Variants in SLC27A6 observed in about 807,000 individuals in gnomAD.
The protein encoded by SLC27A6 is solute carrier family 27 member 6.
A neutral mutation model predicts 63.9 loss-of-function variants in SLC27A6; 74 were observed. That is an observed-to-expected ratio of 1.16 (90% CI 0.96 to 1.40). The LOEUF (loss-of-function observed/expected upper bound fraction) is 1.40. Among genes scored for constraint, SLC27A6 ranks in the 40% most tolerant of loss-of-function variants. The probability of loss-of-function intolerance (pLI) is 0.00; values close to 1 mark genes in which losing one functional copy is unlikely to be tolerated. For synonymous variants in SLC27A6, 287 were observed against 260.8 expected (o/e 1.10, Z -0.97); for missense variants, 794 against 732.9 (o/e 1.08, Z -0.96).
intron 9 of SLC27A6, 109 bp downstream of exon 9, chr5:129,029,816 G>A: frequency 2.1e-6 from 2 of 962,914 alleles, no homozygotes; most frequent in Non-Finnish European, 3.1e-6. Flanking sequence ...TTATGTGAGA[G>A]GCGTGGCGTG....
At chr5:128,993,936 T>C (rs1181986) in intron 4 of SLC27A6, among the ~76,000 whole-genome samples, 132,261 of 152,058 alleles carry the variant, frequency 0.87, 58,601 homozygotes, top group Non-Finnish European at 0.95. Context: ...GGGGAAACCA[T>C]CTCTACTAAA....
intron 5 of SLC27A6, among the ~76,000 whole-genome samples, chr5:129,017,209 A>G (rs923769150): frequency 6.6e-6 from 1 of 152,172 alleles, no homozygotes; most frequent in Non-Finnish European, 1.5e-5. Context: ...AATTCCAACA[A>G]ATTTCAAAGG....
chr5:129,028,496 T>C, intron 8 of SLC27A6, 54 bp downstream of exon 8: 1 of 1,066,668 alleles, frequency 9.4e-7, no homozygotes, highest in Non-Finnish European at 1.4e-6. Context: ...TTGCCACTAT[T>C]CTCTAGTTTT....
rs1751418077 is a variant in SLC27A6, at chr5:129,003,554, T to C, written c.970-12331T>C. Among the ~76,000 whole-genome samples, 4 of 152,164 alleles carry C rather than the reference T, an allele frequency of 2.6e-5. No individual in the cohort carries two copies. In the South Asian group the frequency reaches 8.3e-4, roughly 32 times the overall value. On this transcript the variant is annotated intron_variant, in intron 4 of 9. Transcript: ENST00000262462. ...GAGTCAGCTATGAAAGCCTTAGCAGTAGGCCAGTGCAGTAGCTCATGCCGA... is the reference window on the plus strand; with the variant it reads ...GAGTCAGCTATGAAAGCCTTAGCAGCAGGCCAGTGCAGTAGCTCATGCCGA...
chr5:128,983,437 C>A (rs528594406), intron 1 of SLC27A6, among the ~76,000 whole-genome samples: 22 of 151,782 alleles, frequency 1.4e-4, no homozygotes, highest in Non-Finnish European at 2.5e-4. Flanking sequence ...GGATTACAGG[C>A]ACCCATCACC....
chr5:129,011,365 C>T (rs749917717), intron 4 of SLC27A6, among the ~76,000 whole-genome samples: 1 of 152,126 alleles, frequency 6.6e-6, no homozygotes, highest in Non-Finnish European at 1.5e-5. Flanking sequence ...TTTGTTGCTA[C>T]TTCATGGTGT....
intron 4 of SLC27A6, among the ~76,000 whole-genome samples, chr5:129,007,123 A>G (rs1414835734): frequency 6.6e-6 from 1 of 152,162 alleles, no homozygotes. Flanking sequence ...TGAAATATTA[A>G]TAAGAGCAGA....
intron 3 of SLC27A6, 68 bp downstream of exon 3, chr5:128,988,826 A>G: frequency 7.9e-7 from 1 of 1,265,626 alleles, no homozygotes; most frequent in Non-Finnish European, 1.1e-6. Flanking sequence ...ATTTATTAAC[A>G]TTTGAAGCTG....
chr5:128,966,063 T>G lies in SLC27A6; in HGVS notation c.-75T>G. The G allele has an allele frequency of 6.7e-7, 1 of 1,499,342 alleles. No individual in the cohort carries two copies. Among genetic ancestry groups the G allele is most frequent in the Non-Finnish European group, 8.9e-7 (1 of 1,125,154 alleles). The allele number at this position is 1,499,342 out of a possible 1,614,324, so 92.9% of individuals were successfully genotyped here. A position where few individuals can be genotyped will look rare whatever the true frequency, so the allele number is the denominator to read the frequency against. On this transcript the variant is annotated 5_prime_UTR_variant, in exon 1 of 10. Coordinates refer to ENST00000262462, the MANE Select transcript of SLC27A6 (RefSeq NM_001017372.3). ...GAGTAGTGAGGATCTGCGGTCTCCG[T>G]GGAGAGCTGTGCCTGGAAGAGAAGG...
chr5:128,976,227 G>T (rs1373501192), intron 1 of SLC27A6, among the ~76,000 whole-genome samples: 1 of 152,050 alleles, frequency 6.6e-6, no homozygotes, highest in Non-Finnish European at 1.5e-5. Context: ...AACTTAAAGG[G>T]GGCCAGCGCG....
intron 1 of SLC27A6, among the ~76,000 whole-genome samples, chr5:128,977,840 A>G (rs955088674): frequency 2.6e-5 from 4 of 152,208 alleles, no homozygotes; most frequent in Admixed American, 2.0e-4. Flanking sequence ...GCCAAAGGAT[A>G]TAGAGATAAT....
intron 4 of SLC27A6, among the ~76,000 whole-genome samples, chr5:129,015,216 C>T (rs572659051): frequency 1.1e-4 from 16 of 152,138 alleles, no homozygotes; most frequent in African/African-American, 3.6e-4. Flanking sequence ...ACATTACTTA[C>T]TAGATATAGA....
chr5:128,995,019 GTTC>G (rs1751109105), intron 4 of SLC27A6, among the ~76,000 whole-genome samples: 1 of 152,318 alleles, frequency 6.6e-6, no homozygotes, highest in African/African-American at 2.4e-5. Context: ...AGATGAAGTT[GTTC>G]TTCTCTTCCC....
chr5:129,013,590 T>A (rs1375752188), intron 4 of SLC27A6, among the ~76,000 whole-genome samples: 1 of 152,068 alleles, frequency 6.6e-6, no homozygotes. Flanking sequence ...TCTTTTTAAT[T>A]TTTATATATT....
intron 4 of SLC27A6, among the ~76,000 whole-genome samples, chr5:128,999,750 AC>A (rs986832232): frequency 6.6e-6 from 1 of 151,866 alleles, no homozygotes; most frequent in African/African-American, 2.4e-5. Flanking sequence ...TCACTCCCTA[AC>A]CCATCAAATA....
At chr5:129,007,450 A>C (rs1301612231) in intron 4 of SLC27A6, among the ~76,000 whole-genome samples, 1 of 145,682 alleles carries the variant, frequency 6.9e-6, no homozygotes, top group East Asian at 1.9e-4. Flanking sequence ...CTTAAAAAAA[A>C]AAAAAAAAAA....
rs1898548 is a variant in SLC27A6 at position 129,029,691 on chromosome 5, G to T, written c.1667G>T (p.Arg556Leu). ...TTTCTACCAGCTTATGCTTGTCCAC[G>T]ATTTTTAAGAATTCAGGTAATTTTA... Reference protein sequence around the residue: ...VTFLPAYACPRFLRIQEKMEA... With the variant: ...VTFLPAYACPLFLRIQEKMEA... Residue 556 changes from arginine (R) to leucine (L), a missense_variant, in exon 9 of 10, where the codon CGA (arginine) becomes CTA (leucine). By Grantham distance (102) the Arg-to-Leu change is moderately radical. Coordinates refer to ENST00000262462, the MANE Select transcript of SLC27A6 (RefSeq NM_001017372.3). The T allele has an allele frequency of 4.5e-4, 711 of 1,596,516 alleles. 5 individuals carry two copies. The Admixed American group carries it at 0.012, about 27-fold the overall frequency.
intron 5 of SLC27A6, among the ~76,000 whole-genome samples, chr5:129,022,883 C>T (rs1052228245): frequency 3.9e-5 from 6 of 151,982 alleles, no homozygotes; most frequent in African/African-American, 1.5e-4. Flanking sequence ...AGTTCTCTTC[C>T]AGGGTGAGAA....
chr5:128,993,521 G>A (rs570504198), intron 4 of SLC27A6, among the ~76,000 whole-genome samples: 1 of 152,078 alleles, frequency 6.6e-6, no homozygotes, highest in Admixed American at 6.5e-5. Context: ...TTTTCCAGCT[G>A]TATTTCCCTT....
Sources: allele counts gnomAD v4.1 joint callset (sites outside exome capture counted in the v4.1 genomes callset), GRCh38; gene constraint gnomAD v4.1.1; transcripts MANE v1.5; gene names NCBI Gene and HGNC (gene_info 2026-07-23, HGNC 2026-07-21).